Variants in ZFAT observed in about 807,000 individuals in gnomAD.
ZFAT encodes the protein zinc finger protein ZFAT.
ZFAT carries 64 observed loss-of-function variants against 117.7 expected under a neutral mutation model. That is an observed-to-expected ratio of 0.54 (90% confidence interval 0.44 to 0.67). ZFAT has a LOEUF of 0.67. Ranked by LOEUF, ZFAT falls within the 30% of genes least tolerant of loss-of-function variation. The pLI, the probability that ZFAT is intolerant of heterozygous loss-of-function variation, is 0.00. For synonymous variants in ZFAT, 679 were observed against 615.0 expected (o/e 1.10, Z -1.54); for missense variants, 1,433 against 1,584.5 (o/e 0.90, Z 1.62).
At chr8:134,541,930 T>A (rs1244240148) in intron 11 of ZFAT, among the ~76,000 whole-genome samples, 1 of 152,238 alleles carries the variant, frequency 6.6e-6, no homozygotes, top group East Asian at 1.9e-4. Context: ...TTCCACTAAA[T>A]CCTTTTACCT....
chr8:134,482,079 T>C (rs992161836), intron 15 of ZFAT, among the ~76,000 whole-genome samples: 6 of 152,144 alleles, frequency 3.9e-5, no homozygotes, highest in African/African-American at 1.4e-4. Flanking sequence ...TTCCGCGCCC[T>C]CTCCCAGACT....
chr8:134,562,383 G>A (rs1008567276), intron 11 of ZFAT, among the ~76,000 whole-genome samples: 1 of 152,204 alleles, frequency 6.6e-6, no homozygotes, highest in African/African-American at 2.4e-5. Context: ...TGTTACAGGA[G>A]CAATAGGAAA....
intron 2 of ZFAT, 126 bp downstream of exon 2, chr8:134,657,435 T>C (rs1170963190): frequency 1.7e-5 from 17 of 995,592 alleles, no homozygotes; most frequent in African/African-American, 4.8e-5. Flanking sequence ...ATATCTACAA[T>C]TGGAGACTTA....
upstream of ZFAT, among the ~76,000 whole-genome samples, chr8:134,717,135 A>C (rs1228923288): frequency 1.3e-5 from 2 of 152,230 alleles, no homozygotes; most frequent in African/African-American, 4.8e-5. Context: ...GGCCCTGCTA[A>C]TGTTAATGAA....
At chr8:134,789,212 T>G in the ZFAT span, among the ~76,000 whole-genome samples, 1 of 152,206 alleles carries the variant, frequency 6.6e-6, no homozygotes, top group African/African-American at 2.4e-5. Context: ...CTTGTCTTCA[T>G]AGTCTAAAAA....
chr8:134,733,938 A>G, the ZFAT span, among the ~76,000 whole-genome samples: 4 of 152,234 alleles, frequency 2.6e-5, no homozygotes, highest in Non-Finnish European at 5.9e-5. Context: ...TTCGAAGAAA[A>G]TAAAAGCACA....
At position 134,622,636 on chromosome 8, in the gene ZFAT, T is replaced by TC. The variant is rs1010370887; in HGVS notation, c.449-11982dup. Among the ~76,000 whole-genome samples the TC allele has an allele frequency of 2.3e-3, 345 of 151,642 alleles. 1 individual carries two copies. The highest frequency in any genetic ancestry group is 7.9e-3 in the African/African-American group (327 of 41,300). ...CCTGCTTGCCCTTCCACGTCGCCCC[T>TC]CCCCCCTCTCCACCCAGCTCCCAAG... On this transcript the variant is annotated intron_variant, in intron 3 of 15. Coordinates refer to ENST00000377838, the MANE Select transcript of ZFAT (RefSeq NM_020863.4).
chr8:134,547,062 G>T (rs1390627838), intron 11 of ZFAT, among the ~76,000 whole-genome samples: 1 of 152,208 alleles, frequency 6.6e-6, no homozygotes, highest in Non-Finnish European at 1.5e-5. Flanking sequence ...ACATGCCTCA[G>T]TCACCCAGGG....
At chr8:134,625,159 A>G (rs996810285) in intron 3 of ZFAT, among the ~76,000 whole-genome samples, 5 of 152,180 alleles carry the variant, frequency 3.3e-5, no homozygotes, top group South Asian at 2.1e-4. Flanking sequence ...GCATCCTCCT[A>G]TATCTCTTAC....
intron 11 of ZFAT, among the ~76,000 whole-genome samples, chr8:134,534,777 G>GAGAGAGAA (rs1283021259): frequency 6.8e-6 from 1 of 147,948 alleles, no homozygotes; most frequent in African/African-American, 2.5e-5. Flanking sequence ...GAGGGAGAAA[G>GAGAGAGAA]AGAGAGAGAG....
intron 10 of ZFAT, among the ~76,000 whole-genome samples, chr8:134,565,891 G>A (rs1446047037): frequency 6.6e-6 from 1 of 152,162 alleles, no homozygotes; most frequent in Non-Finnish European, 1.5e-5. Context: ...CTGAGCCAGA[G>A]AGGTTGCTGG....
chr8:134,538,904 T>A (rs1365332179), intron 11 of ZFAT, among the ~76,000 whole-genome samples: 1 of 152,000 alleles, frequency 6.6e-6, no homozygotes, highest in Non-Finnish European at 1.5e-5. Context: ...ATTCTTTAAG[T>A]CCTTATTTTT....
At chr8:134,532,695 A>G in intron 12 of ZFAT, 139 bp downstream of exon 12, 1 of 1,196,674 alleles carries the variant, frequency 8.4e-7, no homozygotes, top group Non-Finnish European at 1.1e-6. Flanking sequence ...GATGACAACA[A>G]TTAGGACGAT....
intron 11 of ZFAT, among the ~76,000 whole-genome samples, chr8:134,541,273 A>G (rs1205627856): frequency 6.6e-6 from 1 of 152,200 alleles, no homozygotes; most frequent in African/African-American, 2.4e-5. Flanking sequence ...TACATATTCA[A>G]GGATTGAAGG....
the ZFAT span, among the ~76,000 whole-genome samples, chr8:134,754,671 C>T: frequency 1.3e-5 from 2 of 152,360 alleles, no homozygotes; most frequent in South Asian, 4.1e-4. Flanking sequence ...GCTGTCCACC[C>T]ACCTCACCCT....
In ZFAT at chr8:134,501,649, G is replaced by A. The variant is rs184103723; in HGVS notation, c.3492+7970C>T. On this transcript the variant is annotated intron_variant, in intron 15 of 15. Coordinates refer to ENST00000377838, the MANE Select transcript of ZFAT (RefSeq NM_020863.4). ...CACACACGCACAGGCAAGATGAAAT[G>A]AAGTCAAAGGAGGCTTTGAAGGGGA... Among the ~76,000 whole-genome samples, 11 of 152,280 alleles carry A rather than the reference G, an allele frequency of 7.2e-5. No individual in the cohort carries two copies. The East Asian group carries it at 2.1e-3, about 29-fold the overall frequency.
In ZFAT at chr8:134,664,321, G is replaced by C. The variant is rs188164004; in HGVS notation, c.20-6584C>G. On this transcript the variant is annotated intron_variant, in intron 1 of 15. Coordinates refer to ENST00000377838, the MANE Select transcript of ZFAT (RefSeq NM_020863.4). ...GCCCAGGGCTCCACAGTGCCACATG[G>C]CCTGTCCAGGGTCAGCGCCAGTAAA... Among the ~76,000 whole-genome samples the C allele has an allele frequency of 3.3e-3, 505 of 152,258 alleles. 2 individuals are homozygous for C. Among genetic ancestry groups the C allele is most frequent in the Non-Finnish European group, 5.9e-3 (399 of 68,012 alleles).
chr8:134,583,270 A>AACCT (rs1825834579), intron 10 of ZFAT, among the ~76,000 whole-genome samples: 1 of 152,194 alleles, frequency 6.6e-6, no homozygotes, highest in Non-Finnish European at 1.5e-5. Flanking sequence ...GTATCCCTAG[A>AACCT]ACCTACCTCC....
chr8:134,690,439 G>A (rs1452819388), intron 1 of ZFAT, among the ~76,000 whole-genome samples: 3 of 152,214 alleles, frequency 2.0e-5, no homozygotes, highest in African/African-American at 4.8e-5. Context: ...AAAATAACAG[G>A]CTGGGCAGGA....
Sources: gnomAD v4.1 joint callset for allele counts (sites outside exome capture counted in the v4.1 genomes callset) on GRCh38, gnomAD v4.1.1 for gene constraint, MANE v1.5 for transcripts, NCBI Gene and HGNC (gene_info 2026-07-23, HGNC 2026-07-21) for gene names.